SYMPK: variants seen among roughly 807,000 people sequenced by gnomAD.
SYMPK encodes the protein symplekin scaffold protein.
A neutral mutation model predicts 136.4 loss-of-function variants in SYMPK; 49 were observed. That is an observed-to-expected ratio of 0.36 (90% confidence interval 0.29 to 0.46). The LOEUF (loss-of-function observed/expected upper bound fraction) is 0.46, where lower values mean the gene tolerates loss of function less well. Ranked by LOEUF, SYMPK falls within the 20% of genes least tolerant of loss-of-function variation. The pLI, the probability that SYMPK is intolerant of heterozygous loss-of-function variation, is 1.00. For missense variants in SYMPK, 1,365 were observed against 1,690.0 expected (o/e 0.81, Z 3.37); for synonymous variants, 766 against 713.0 (o/e 1.07, Z -1.19).
At chr19:45,859,475 C>T (rs1971910256) in intron 1 of SYMPK, among the ~76,000 whole-genome samples, 1 of 151,974 alleles carries the variant, frequency 6.6e-6, no homozygotes, top group South Asian at 2.1e-4. Flanking sequence ...AGATGGATGC[C>T]TGTAATCCCA....
intron 17 of SYMPK, among the ~76,000 whole-genome samples, chr19:45,825,641 C>T (rs373431704): frequency 1.4e-4 from 21 of 152,360 alleles, no homozygotes; most frequent in African/African-American, 4.6e-4. Flanking sequence ...AGCTCCCTGC[C>T]TCACACTGTC....
At chr19:45,817,534 C>T (rs917717619) in intron 23 of SYMPK, among the ~76,000 whole-genome samples, 1 of 150,256 alleles carries the variant, frequency 6.7e-6, no homozygotes, top group African/African-American at 2.4e-5. Context: ...TGGGCTCAAG[C>T]AGTCCTCCTG....
chr19:45,838,712 C>T (rs941016680), intron 9 of SYMPK, 97 bp from the exon 10 acceptor site: 17 of 1,367,058 alleles, frequency 1.2e-5, no homozygotes, highest in Middle Eastern at 4.5e-4. Context: ...TCTAGTCAGC[C>T]TCAGCAAACA....
intron 1 of SYMPK, among the ~76,000 whole-genome samples, chr19:45,859,455 T>C (rs953025131): frequency 6.6e-6 from 1 of 150,974 alleles, no homozygotes; most frequent in East Asian, 2.0e-4. Flanking sequence ...AAAAAATTAC[T>C]TGGGCATGGA....
At chr19:45,816,220 G>A (rs926378136) in intron 25 of SYMPK, 37 bp from the exon 26 acceptor site, 9 of 1,412,684 alleles carry the variant, frequency 6.4e-6, no homozygotes, top group East Asian at 2.4e-5. Context: ...GCTCAGAGGT[G>A]GGTGGCTCAG....
intron 9 of SYMPK, among the ~76,000 whole-genome samples, chr19:45,838,972 C>T (rs960614000): frequency 3.3e-5 from 5 of 152,300 alleles, no homozygotes; most frequent in Middle Eastern, 3.4e-3. Flanking sequence ...TTGTAACCTC[C>T]GCCTCCCAGG....
intron 7 of SYMPK, among the ~76,000 whole-genome samples, chr19:45,846,467 C>T (rs1306277850): frequency 6.6e-6 from 1 of 152,170 alleles, no homozygotes; most frequent in Non-Finnish European, 1.5e-5. Flanking sequence ...CTCATACCTA[C>T]ATCCTAAATT....
intron 3 of SYMPK, among the ~76,000 whole-genome samples, chr19:45,853,038 C>T (rs927350256): frequency 5.3e-5 from 8 of 152,202 alleles, no homozygotes; most frequent in African/African-American, 1.9e-4. Flanking sequence ...AAGCCCTTCC[C>T]ATGGACATCC....
At chr19:45,828,535 T>G in intron 14 of SYMPK, 1 of 190,866 alleles carries the variant, frequency 5.2e-6, no homozygotes, top group Non-Finnish European at 1.1e-5. Flanking sequence ...AGGATTTATA[T>G]AATAAAATGT....
chr19:45,827,270 G>C (rs373982130), intron 16 of SYMPK, among the ~76,000 whole-genome samples: 4 of 152,206 alleles, frequency 2.6e-5, no homozygotes, highest in Admixed American at 2.6e-4. Flanking sequence ...GCAAGCGCAC[G>C]TGTGTGTGTG....
Position 45,816,027 on chromosome 19 carries a change from A to G in SYMPK, c.3511T>C (p.Ser1171Pro), listed in dbSNP as rs1409748062. 3 of 1,586,270 alleles carry G rather than the reference A, an allele frequency of 1.9e-6. No homozygotes were observed. Among genetic ancestry groups the G allele is most frequent in the Non-Finnish European group, 2.6e-6 (3 of 1,166,280 alleles). ...CGGGCCGACGGAGAGGGAGAGGGGG[A>G]GGAAGAGGAGGGGGCTCCCACTCCT... ...PGGVGAPSSS[S>P]PSPSPSARPG... Residue 1171 changes from serine (S) to proline (P), a missense_variant, in exon 26 of 27, where the codon TCC becomes CCC. Ser to Pro is a moderately conservative substitution (Grantham distance 74). Transcript: ENST00000245934.
rs776057601 is a variant in SYMPK, at chr19:45,830,060, T to G, written c.1743A>C (p.Ala581=). ...GGGGGTGGCAGGCGCACACCTGGGC[T>G]GCCCCGCTGCAGGCCACAGCCTTCT... ...RAEKAVACSG[A]AQVRIKILAS... The change falls in exon 13 of 27, where the codon GCA becomes GCC. Residue 581 remains alanine, a synonymous_variant. Coordinates refer to ENST00000245934, the MANE Select transcript of SYMPK (RefSeq NM_004819.3). 80 of 1,551,310 alleles carry G rather than the reference T, an allele frequency of 5.2e-5. No individual in the cohort carries two copies. The highest frequency in any genetic ancestry group is 6.6e-5 in the Non-Finnish European group (76 of 1,146,306).
At chr19:45,836,674 T>C (rs1568617227) in intron 10 of SYMPK, among the ~76,000 whole-genome samples, 1 of 151,948 alleles carries the variant, frequency 6.6e-6, no homozygotes, top group South Asian at 2.1e-4. Flanking sequence ...GGTCTTACTC[T>C]ATTGTCCAGG....
At position 45,852,515 on chromosome 19, in the gene SYMPK, G is replaced by A. The variant is rs1971720203; in HGVS notation, c.192C>T (p.Asn64=). 1.9e-6 allele frequency: 3 copies of A among 1,614,168 alleles called. No homozygotes were observed. The African/African-American group carries it at 4.0e-5, about 22-fold the overall frequency. ...AGTTGTCCAGTAGTGTGGGGTCTTTGTTGATGATCAGCTCCTGGACCTGGA... is the reference window on the plus strand; with the variant it reads ...AGTTGTCCAGTAGTGTGGGGTCTTTATTGATGATCAGCTCCTGGACCTGGA... The part of the protein sequence containing the change: ...VLKQVQELII[N]KDPTLLDNFL... The change falls in exon 4 of 27, where the codon AAC becomes AAT. Residue 64 remains asparagine (N), a synonymous_variant. Transcript: ENST00000245934.
Position 45,821,675 on chromosome 19 carries a change from G to T in SYMPK, c.2792-190C>A, listed in dbSNP as rs555993387. Among the ~76,000 whole-genome samples the T allele has an allele frequency of 6.6e-6, 1 of 152,218 alleles. No homozygotes were observed. ...AAGGCAGCAGCAGCCCTCAGGCAGC[G>T]TGAGGTTGCCACTGTGTGCTCCTCC... On this transcript the variant is annotated intron_variant, in intron 21 of 26. Coordinates refer to ENST00000245934, the MANE Select transcript of SYMPK (RefSeq NM_004819.3). This position sits in a 1 kb window ranked among gnomAD's most constrained non-coding sequence, Gnocchi z 4.4.
At chr19:45,819,855 A>C (rs928518762) in intron 22 of SYMPK, 1 of 152,490 alleles carries the variant, frequency 6.6e-6, no homozygotes, top group Non-Finnish European at 1.5e-5. Context: ...TGGAGCTTAG[A>C]GTGCAACCAG....
Position 45,816,524 on chromosome 19 carries a change from C to T in SYMPK, c.3312G>A (p.Gln1104=), listed in dbSNP as rs1316161337. 6.2e-7 allele frequency: 1 copy of T among 1,613,676 alleles called. No homozygotes were observed. Among genetic ancestry groups the T allele is most frequent in the East Asian group, 2.2e-5 (1 of 44,856 alleles). Residue 1104 remains glutamine, a synonymous_variant, in exon 25 of 27, where the codon CAG becomes CAA. Transcript: ENST00000245934. ...CAGGCGCCTCCTTGGCCTCTGGCTC[C>T]TGCTTGCCGCTGGCCTCCAAGATGG... The part of the protein sequence containing the change: ...IMTILEASGK[Q]EPEAKEAPAG...
chr19:45,856,676 A>T (rs940228437), intron 1 of SYMPK, among the ~76,000 whole-genome samples: 1 of 152,192 alleles, frequency 6.6e-6, no homozygotes, highest in Admixed American at 6.6e-5. Flanking sequence ...ATGATAATTA[A>T]TAATAATTTG....
Position 45,825,386 on chromosome 19 carries a change from G to A in SYMPK, c.2330-55C>T, listed in dbSNP as rs902950531. On this transcript the variant is annotated intron_variant, in intron 17 of 26. Transcript: ENST00000245934. The stretch of plus-strand genomic sequence containing the variant: ...GCCCACACTCTTCTCCAACCCCCTC[G>A]GACCCTCAGGAATGTCCCTTCTTGG... 1.8e-5 allele frequency: 28 copies of A among 1,572,938 alleles called. 1 individual carries two copies. The Middle Eastern group carries it at 1.2e-3, about 68-fold the overall frequency.
Sources: gnomAD v4.1 joint callset for allele counts (sites outside exome capture counted in the v4.1 genomes callset) on GRCh38, gnomAD v4.1.1 for gene constraint, Gnocchi (gnomAD v3.1) non-coding constraint, MANE v1.5 for transcripts, NCBI Gene and HGNC (gene_info 2026-07-23, HGNC 2026-07-21) for gene names.